The following SLC17A8 variants were observed in gnomAD, a reference collection of about 807,000 sequenced individuals.
SLC17A8 encodes vesicular glutamate transporter 3.
SLC17A8 carries 31 observed loss-of-function variants against 58.0 expected under a neutral mutation model. The observed-to-expected ratio is 0.53, with a 90% CI of 0.40 to 0.72. The LOEUF (loss-of-function observed/expected upper bound fraction) is 0.72, where lower values mean the gene tolerates loss of function less well. SLC17A8 is among the 30% of genes least tolerant of loss of function. The pLI, the probability that SLC17A8 is intolerant of heterozygous loss-of-function variation, is 0.00. For missense variants in SLC17A8, 655 were observed against 727.8 expected (o/e 0.90, Z 1.15); for synonymous variants, 228 against 249.0 (o/e 0.92, Z 0.79).
intron 1 of SLC17A8, among the ~76,000 whole-genome samples, chr12:100,358,042 G>A (rs934858464): frequency 6.6e-6 from 1 of 152,178 alleles, no homozygotes; most frequent in Non-Finnish European, 1.5e-5. Flanking sequence ...CATAATTGCA[G>A]TGGGAAAATG....
At chr12:100,402,505 C>T in intron 7 of SLC17A8, 26 bp downstream of exon 7, 2 of 1,613,776 alleles carry the variant, frequency 1.2e-6, no homozygotes, top group Non-Finnish European at 1.7e-6. Flanking sequence ...CAGATGAAGA[C>T]TTACCTTTTT....
Position 100,395,975 on chromosome 12 carries a change from G to A in SLC17A8, c.589-355G>A, listed in dbSNP as rs117389039. 1.4e-3 allele frequency among the ~76,000 whole-genome samples: 217 copies of A among 152,324 alleles called. No individual in the cohort carries two copies. In the East Asian group the frequency reaches 0.017, roughly 12 times the overall value. On this transcript the variant is annotated intron_variant, in intron 4 of 11. Transcript: ENST00000323346. ...TCAAAGATCAAGGTGCTGGCAGATC[G>A]GTGACTTGGGAGAGCTAGCTTCCTG...
intron 4 of SLC17A8, among the ~76,000 whole-genome samples, chr12:100,394,306 G>A (rs147331987): frequency 1.3e-5 from 2 of 150,686 alleles, no homozygotes; most frequent in Non-Finnish European, 2.9e-5. Context: ...CCCCTAGATC[G>A]ACTCATTTAA....
At chr12:100,374,309 C>T (rs1460422637) in intron 1 of SLC17A8, among the ~76,000 whole-genome samples, 1 of 152,156 alleles carries the variant, frequency 6.6e-6, no homozygotes, top group East Asian at 1.9e-4. Context: ...TATTTGAATG[C>T]TTTTAAAACA....
intron 1 of SLC17A8, among the ~76,000 whole-genome samples, chr12:100,369,107 C>A (rs1361824765): frequency 6.6e-6 from 1 of 152,048 alleles, no homozygotes; most frequent in African/African-American, 2.4e-5. Flanking sequence ...GAAATCCCAT[C>A]TCTACTAAAA....
At chr12:100,400,136 A>G (rs1415697905) in intron 5 of SLC17A8, among the ~76,000 whole-genome samples, 2 of 152,072 alleles carry the variant, frequency 1.3e-5, no homozygotes, top group African/African-American at 4.8e-5. Context: ...GTTATTCTCT[A>G]CCTGCCCCTG....
At chr12:100,397,431 G>T (rs185673445) in intron 5 of SLC17A8, among the ~76,000 whole-genome samples, 9 of 152,282 alleles carry the variant, frequency 5.9e-5, no homozygotes, top group Admixed American at 5.9e-4. Context: ...TTATCTGAAA[G>T]TAAATGAGTA....
chr12:100,358,271 T>A (rs1186651517), intron 1 of SLC17A8, among the ~76,000 whole-genome samples: 2 of 152,230 alleles, frequency 1.3e-5, no homozygotes, highest in Non-Finnish European at 2.9e-5. Context: ...GACTGCTTTA[T>A]CTCTCTGATA....
chr12:100,357,096 A>T lies in SLC17A8; in HGVS notation c.-296A>T, dbSNP rs1952451043. ...CTCAGTCTGAGAGTGGCTGCCTGAG[A>T]CAGCTGCCACAGGCTGCTGCAGAGC... is the stretch of plus-strand genomic sequence containing the variant. On this transcript the variant is annotated 5_prime_UTR_variant, in exon 1 of 12. Coordinates refer to ENST00000323346, the MANE Select transcript of SLC17A8 (RefSeq NM_139319.3). 2.6e-6 allele frequency: 1 copy of T among 379,690 alleles called. No homozygotes were observed. The highest frequency in any genetic ancestry group is 2.1e-5 in the African/African-American group (1 of 47,806). 23.5% of individuals were successfully genotyped at this position (379,690 alleles called of 1,614,324 possible). A position where few individuals can be genotyped will look rare whatever the true frequency, so the allele number is the denominator to read the frequency against.
Position 100,421,658 on chromosome 12 carries a change from G to GTTTTTTTTTTTTTTTTTTTT in SLC17A8, c.*1502_*1521dup, listed in dbSNP as rs59689031. The stretch of plus-strand genomic sequence containing the variant: ...TACTTGTAGCTTATTATTGTAAAGT[G>GTTTTTTTTTTTTTTTTTTTT]TTTTTTTTTTTTTTTTTTTTTTCTA... On this transcript the variant is annotated 3_prime_UTR_variant, in exon 12 of 12. Coordinates refer to ENST00000323346, the MANE Select transcript of SLC17A8 (RefSeq NM_139319.3). 1 of 109,872 alleles carries GTTTTTTTTTTTTTTTTTTTT rather than the reference G, an allele frequency of 9.1e-6. No individual in the cohort carries two copies. Among genetic ancestry groups the GTTTTTTTTTTTTTTTTTTTT allele is most frequent in the African/African-American group, 4.0e-5 (1 of 25,122 alleles). 6.8% of individuals were successfully genotyped at this position (109,872 alleles called of 1,614,324 possible).
chr12:100,362,068 C>A (rs1365531636), intron 1 of SLC17A8, among the ~76,000 whole-genome samples: 1 of 152,178 alleles, frequency 6.6e-6, no homozygotes, highest in Non-Finnish European at 1.5e-5. Flanking sequence ...GGAGCACAAG[C>A]GATGTGCTGA....
intron 10 of SLC17A8, among the ~76,000 whole-genome samples, 171 bp from the exon 11 acceptor site, chr12:100,417,858 G>A (rs1952917279): frequency 6.6e-6 from 1 of 152,208 alleles, no homozygotes; most frequent in Non-Finnish European, 1.5e-5. Context: ...GTCTACCAGT[G>A]CTGCTTTGTG....
chr12:100,389,504 T>C (rs1408746060), intron 2 of SLC17A8, among the ~76,000 whole-genome samples: 1 of 152,170 alleles, frequency 6.6e-6, no homozygotes, highest in Non-Finnish European at 1.5e-5. Context: ...TTTTTTGTTT[T>C]ATTCACAAGC....
chr12:100,402,893 A>G, intron 8 of SLC17A8, 148 bp downstream of exon 8: 2 of 794,416 alleles, frequency 2.5e-6, no homozygotes, highest in Non-Finnish European at 3.9e-6. Context: ...GACAAGTTAT[A>G]CATTCTATGC....
chr12:100,415,502 G>A (rs559248260), intron 10 of SLC17A8, among the ~76,000 whole-genome samples: 4 of 150,716 alleles, frequency 2.7e-5, no homozygotes, highest in East Asian at 3.9e-4. Flanking sequence ...GCATGATCGC[G>A]GATCATTGCA....
intron 1 of SLC17A8, among the ~76,000 whole-genome samples, chr12:100,360,357 G>T (rs1952476514): frequency 6.6e-6 from 1 of 152,152 alleles, no homozygotes; most frequent in Admixed American, 6.5e-5. Context: ...ACATAACAGT[G>T]ACAAAACAGT....
intron 1 of SLC17A8, among the ~76,000 whole-genome samples, chr12:100,369,661 TG>T (rs1216168407): frequency 6.6e-6 from 1 of 152,054 alleles, no homozygotes; most frequent in African/African-American, 2.4e-5. Flanking sequence ...GAAAAGTAGG[TG>T]TTTTTTTTGT....
chr12:100,361,482 T>G (rs1353237140), intron 1 of SLC17A8, among the ~76,000 whole-genome samples: 2 of 152,220 alleles, frequency 1.3e-5, no homozygotes, highest in African/African-American at 4.8e-5. Flanking sequence ...CTGGCCATTC[T>G]ATTTAAACAT....
At chr12:100,385,601 T>G (rs1952669017) in intron 2 of SLC17A8, among the ~76,000 whole-genome samples, 1 of 152,124 alleles carries the variant, frequency 6.6e-6, no homozygotes, top group African/African-American at 2.4e-5. Context: ...GAATCCCATG[T>G]TGCGGGGGAA....
Sources: allele counts gnomAD v4.1 joint callset (sites outside exome capture counted in the v4.1 genomes callset), GRCh38; gene constraint gnomAD v4.1.1; transcripts MANE v1.5; gene names NCBI Gene and HGNC (gene_info 2026-07-23, HGNC 2026-07-21).